Variants in ZC3H12B observed in about 807,000 individuals in gnomAD.
ZC3H12B encodes the protein zinc finger CCCH-type containing 12B.
ZC3H12B carries 7 observed loss-of-function variants against 43.9 expected under a neutral mutation model. The observed-to-expected ratio is 0.16, with a 90% CI of 0.09 to 0.30. The LOEUF (loss-of-function observed/expected upper bound fraction) is 0.30, where lower values mean the gene tolerates loss of function less well. ZC3H12B is among the 10% of genes least tolerant of loss of function. ZC3H12B has a pLI of 1.00. For synonymous variants in ZC3H12B, 222 were observed against 241.7 expected, an observed-to-expected ratio of 0.92 and a Z score of 0.76; for missense variants, 475 against 670.2, an observed-to-expected ratio of 0.71 and a Z score of 3.22.
chrX:65,211,766 G>C, the ZC3H12B span, among the ~76,000 whole-genome samples: 1 of 75,840 alleles, frequency 1.3e-5, no homozygotes, highest in Non-Finnish European at 2.3e-5. Flanking sequence ...TATATATAAT[G>C]TATGTTATAT....
rs759777328 is a variant in ZC3H12B at position 65,396,817 on chromosome X, C to G, written n.296-1776C>G. Among the ~76,000 whole-genome samples the G allele has an allele frequency of 2.5e-3, 279 of 110,711 alleles. 1 individual carries two copies. The highest frequency in any genetic ancestry group is 8.9e-3 in the African/African-American group (272 of 30,472). On this transcript the variant is annotated intron_variant and non_coding_transcript_variant, in intron 2 of 5. Coordinates refer to the ZC3H12B transcript ENST00000617377. ...TACAGTGGGGTGTTAAAGTCTCCCACTATTATTATGTGGGAGTCTAAGCCC... is the reference window on the plus strand; with the variant it reads ...TACAGTGGGGTGTTAAAGTCTCCCAGTATTATTATGTGGGAGTCTAAGCCC...
chrX:65,443,529 C>T (rs1478187614), intron 3 of ZC3H12B, among the ~76,000 whole-genome samples: 1 of 112,521 alleles, frequency 8.9e-6, no homozygotes, highest in Non-Finnish European at 1.9e-5. Flanking sequence ...GCAAACCAGT[C>T]ATTAGCATTG....
At chrX:65,277,347 T>G in the ZC3H12B span, among the ~76,000 whole-genome samples, 4 of 111,646 alleles carry the variant, frequency 3.6e-5, no homozygotes, top group East Asian at 1.1e-3. Context: ...AGATTTAAAC[T>G]GTAACATACA....
the ZC3H12B span, among the ~76,000 whole-genome samples, chrX:65,348,822 AC>A: frequency 1.8e-5 from 2 of 111,647 alleles, no homozygotes; most frequent in Non-Finnish European, 3.8e-5. Context: ...AGAGCTAACT[AC>A]CCTAAATATA....
the ZC3H12B span, chrX:65,185,583 G>A: frequency 4.5e-5 from 5 of 111,244 alleles, no homozygotes; most frequent in Non-Finnish European, 9.4e-5. Context: ...ATTTAAGTTG[G>A]TTCATTTGCA....
the ZC3H12B span, among the ~76,000 whole-genome samples, chrX:65,160,716 T>C: frequency 8.9e-6 from 1 of 111,812 alleles, no homozygotes; most frequent in Non-Finnish European, 1.9e-5. Flanking sequence ...AACCAGTGCC[T>C]GGATTAATTA....
chrX:65,196,157 G>T, the ZC3H12B span, among the ~76,000 whole-genome samples: 2 of 100,854 alleles, frequency 2.0e-5, no homozygotes, highest in Non-Finnish European at 4.1e-5. Context: ...CCCTCGAAAG[G>T]TGCGCTGCCT....
At chrX:65,367,426 T>G (rs1382339439) in intron 1 of ZC3H12B, among the ~76,000 whole-genome samples, 1 of 111,744 alleles carries the variant, frequency 8.9e-6, no homozygotes. Context: ...CTCTTGAACA[T>G]GTCGCACATC....
At chrX:65,407,661 C>T (rs2066848881) in intron 3 of ZC3H12B, among the ~76,000 whole-genome samples, 1 of 113,634 alleles carries the variant, frequency 8.8e-6, no homozygotes, top group Non-Finnish European at 1.9e-5. Context: ...GAAAAGCAGC[C>T]CGTCTGGATT....
the ZC3H12B span, among the ~76,000 whole-genome samples, chrX:65,057,556 C>G: frequency 5.3e-3 from 584 of 111,221 alleles, 3 homozygotes; most frequent in Non-Finnish European, 8.5e-3. Context: ...TGACAATTAT[C>G]TGTCTTGGAG....
At chrX:65,234,157 A>AT in the ZC3H12B span, among the ~76,000 whole-genome samples, 1 of 112,003 alleles carries the variant, frequency 8.9e-6, no homozygotes, top group Non-Finnish European at 1.9e-5. Flanking sequence ...AAGATTATCC[A>AT]TCATCATGTA....
chrX:65,385,420 G>T (rs955535806), intron 2 of ZC3H12B, among the ~76,000 whole-genome samples: 1 of 111,512 alleles, frequency 9.0e-6, no homozygotes, highest in Non-Finnish European at 1.9e-5. Flanking sequence ...CATTGTGAAT[G>T]GGAGTTCACT....
chrX:65,241,930 C>T, the ZC3H12B span, among the ~76,000 whole-genome samples: 1 of 111,340 alleles, frequency 9.0e-6, no homozygotes, highest in Non-Finnish European at 1.9e-5. Flanking sequence ...TTTCTGTGAG[C>T]CTGAACTACT....
the ZC3H12B span, among the ~76,000 whole-genome samples, chrX:65,172,567 T>A: frequency 8.9e-6 from 1 of 112,516 alleles, no homozygotes; most frequent in Non-Finnish European, 1.9e-5. Context: ...GGTTTTACAC[T>A]TAAGTTTTTA....
chrX:65,233,152 G>C, the ZC3H12B span, among the ~76,000 whole-genome samples: 1 of 111,537 alleles, frequency 9.0e-6, no homozygotes, highest in Non-Finnish European at 1.9e-5. Flanking sequence ...TTACAGTGGG[G>C]GACATTGAAT....
chrX:65,266,756 T>C, the ZC3H12B span, among the ~76,000 whole-genome samples: 935 of 111,368 alleles, frequency 8.4e-3, 11 homozygotes, highest in Admixed American at 0.043. Flanking sequence ...CTCTGGCAAC[T>C]ACTTGACCAG....
the ZC3H12B span, among the ~76,000 whole-genome samples, chrX:65,227,894 G>C: frequency 9.0e-6 from 1 of 111,528 alleles, no homozygotes; most frequent in African/African-American, 3.3e-5. Flanking sequence ...ATAATCAATA[G>C]CTTACCAACA....
chrX:65,125,599 T>C, the ZC3H12B span, among the ~76,000 whole-genome samples: 1 of 111,557 alleles, frequency 9.0e-6, no homozygotes, highest in Non-Finnish European at 1.9e-5. Context: ...TATTATTGTG[T>C]TGCCATCTAT....
the ZC3H12B span, among the ~76,000 whole-genome samples, chrX:65,041,983 G>A: frequency 8.9e-6 from 1 of 111,741 alleles, no homozygotes; most frequent in African/African-American, 3.3e-5. Context: ...GCTGTCCATA[G>A]AGCACAACTA....
Sources: gnomAD v4.1 joint callset for allele counts (sites outside exome capture counted in the v4.1 genomes callset) on GRCh38, gnomAD v4.1.1 for gene constraint, MANE v1.5 for transcripts, NCBI Gene and HGNC (gene_info 2026-07-23, HGNC 2026-07-21) for gene names.